The following WDR33 variants were observed in gnomAD, a reference collection of about 807,000 sequenced individuals.
WDR33 encodes WD repeat domain 33.
Under a neutral mutation model 164.9 loss-of-function variants are expected in WDR33, and 47 were observed. The ratio of observed to expected loss-of-function variants is 0.29; its 90% CI spans 0.23 to 0.36. The LOEUF (loss-of-function observed/expected upper bound fraction) is 0.36. Ranked by LOEUF, WDR33 falls within the 10% of genes least tolerant of loss-of-function variation. The pLI, the probability that WDR33 is intolerant of heterozygous loss-of-function variation, is 1.00. For missense variants in WDR33, 1,137 were observed against 1,754.1 expected (o/e 0.65, Z 6.28); for synonymous variants, 505 against 589.0 (o/e 0.86, Z 2.06).
intron 1 of WDR33, among the ~76,000 whole-genome samples, chr2:127,806,481 A>G (rs1056467529): frequency 2.0e-5 from 3 of 152,172 alleles, no homozygotes; most frequent in African/African-American, 7.2e-5. Context: ...TGCTGGGATT[A>G]CAGGCGTGAG....
chr2:127,798,461 C>T (rs1338873775), intron 1 of WDR33, among the ~76,000 whole-genome samples: 3 of 148,862 alleles, frequency 2.0e-5, no homozygotes, highest in African/African-American at 7.5e-5. Context: ...TCCTAAAGAG[C>T]TGGTTGGCCC....
rs1380830891 is a variant in WDR33, at chr2:127,738,256, C to A, written c.725-11479G>T. Among the ~76,000 whole-genome samples the A allele has an allele frequency of 6.6e-6, 1 of 152,096 alleles. No individual in the cohort carries two copies. The highest frequency in any genetic ancestry group is 2.4e-5 in the African/African-American group (1 of 41,416). Reference sequence around the variant, plus strand: ...CAAAGAAAAATGTAATCTGAGAAAACTTCAACTGGGAGCTGGTTATATTAT... The same window carrying A: ...CAAAGAAAAATGTAATCTGAGAAAAATTCAACTGGGAGCTGGTTATATTAT... On this transcript the variant is annotated intron_variant, in intron 7 of 21. Transcript: ENST00000322313. The surrounding 1 kb of genome is among the most constrained non-coding windows in gnomAD (Gnocchi z 4.4).
At chr2:127,733,176 A>C (rs562791981) in intron 7 of WDR33, among the ~76,000 whole-genome samples, 1 of 152,314 alleles carries the variant, frequency 6.6e-6, no homozygotes, top group East Asian at 1.9e-4. Flanking sequence ...CAAGTAATTA[A>C]ACTTCTCAGA....
At chr2:127,790,021 G>T (rs2105478346) in intron 1 of WDR33, among the ~76,000 whole-genome samples, 1 of 152,104 alleles carries the variant, frequency 6.6e-6, no homozygotes, top group Non-Finnish European at 1.5e-5. Context: ...ATTTTTAGTA[G>T]AGACAGGGTT....
chr2:127,799,677 C>T (rs1476057573), intron 1 of WDR33, among the ~76,000 whole-genome samples: 1 of 152,120 alleles, frequency 6.6e-6, no homozygotes, highest in Non-Finnish European at 1.5e-5. Context: ...CACCTGTAAT[C>T]CCAGCTACTC....
At position 127,711,780 on chromosome 2, in the gene WDR33, A is replaced by ATATATTTT; in HGVS notation, c.3308+1802_3308+1803insAAAATATA. ...TATATATATATATATATATATATAT[A>ATATATTTT]TTTTTTTTTTGAGACAGAGTCTCGC... On this transcript the variant is annotated intron_variant, in intron 18 of 21. Transcript: ENST00000322313. Among the ~76,000 whole-genome samples the ATATATTTT allele has an allele frequency of 1.8e-3, 158 of 88,286 alleles. 5 individuals are homozygous for ATATATTTT. The highest frequency in any genetic ancestry group is 9.1e-3 in the African/African-American group (140 of 15,418). The allele number at this position is 88,286 out of a possible 152,430, so 57.9% of individuals were successfully genotyped here. A position where few individuals can be genotyped will look rare whatever the true frequency, so the allele number is the denominator to read the frequency against.
In WDR33 at chr2:127,766,787, G is replaced by T. The variant is rs575643774; in HGVS notation, c.378+1402C>A. Among the ~76,000 whole-genome samples, 240 of 131,720 alleles carry T rather than the reference G, an allele frequency of 1.8e-3. 4 individuals are homozygous for T. The East Asian group carries it at 0.039, about 21-fold the overall frequency. The allele number at this position is 131,720 out of a possible 152,430, so 86.4% of individuals were successfully genotyped here. A position where few individuals can be genotyped will look rare whatever the true frequency, so the allele number is the denominator to read the frequency against. Reference sequence around the variant, plus strand: ...ATAACAATGTTTCTTTTTTTTTTTTGAAACAGAGTTTCGATCTTGTCGCCC... The same window carrying T: ...ATAACAATGTTTCTTTTTTTTTTTTTAAACAGAGTTTCGATCTTGTCGCCC... On this transcript the variant is annotated intron_variant, in intron 4 of 21. Transcript: ENST00000322313.
intron 8 of WDR33, among the ~76,000 whole-genome samples, chr2:127,725,471 T>A (rs527701824): frequency 6.6e-6 from 1 of 152,134 alleles, no homozygotes; most frequent in Non-Finnish European, 1.5e-5. Context: ...GCGTGATGGC[T>A]CACGCCTGTA....
Position 127,723,241 on chromosome 2 carries a change from C to G in WDR33, c.1291+12G>C. ...CAGATTTCAAAGAAGGACAGATGTGCAAGAGTCTCACCATATTCTACTCCA... is the reference window on the plus strand; with the variant it reads ...CAGATTTCAAAGAAGGACAGATGTGGAAGAGTCTCACCATATTCTACTCCA... On this transcript the variant is annotated intron_variant, in intron 12 of 21. Coordinates refer to ENST00000322313, the MANE Select transcript of WDR33 (RefSeq NM_018383.5). This position sits in a 1 kb window ranked among gnomAD's most constrained non-coding sequence, Gnocchi z 5.9. The G allele has an allele frequency of 6.2e-7, 1 of 1,608,434 alleles. No homozygotes were observed. Among genetic ancestry groups the G allele is most frequent in the Non-Finnish European group, 8.5e-7 (1 of 1,175,966 alleles).
chr2:127,808,733 A>G (rs1311166155), intron 1 of WDR33, among the ~76,000 whole-genome samples: 1 of 151,956 alleles, frequency 6.6e-6, no homozygotes, highest in African/African-American at 2.4e-5. Flanking sequence ...CGCCTCTACT[A>G]AAAAATACAA....
chr2:127,761,287 G>A (rs1335935356), intron 7 of WDR33, among the ~76,000 whole-genome samples: 2 of 151,662 alleles, frequency 1.3e-5, no homozygotes, highest in East Asian at 1.9e-4. Context: ...TGCAAGCTCC[G>A]CCACCTGGAT....
At chr2:127,801,120 A>G (rs1689224874) in intron 1 of WDR33, among the ~76,000 whole-genome samples, 1 of 148,858 alleles carries the variant, frequency 6.7e-6, no homozygotes, top group Non-Finnish European at 1.5e-5. Flanking sequence ...AAAAAAAAAG[A>G]AAAGAAAAAC....
Position 127,716,055 on chromosome 2 carries a change from CAG to C in WDR33, c.2869+1098_2869+1099del, listed in dbSNP as rs938124380. Among the ~76,000 whole-genome samples, 2 of 152,144 alleles carry C rather than the reference CAG, an allele frequency of 1.3e-5. No individual in the cohort carries two copies. The highest frequency in any genetic ancestry group is 2.4e-5 in the African/African-American group (1 of 41,428). Reference sequence around the variant, plus strand: ...TCTCAGTTTGCTGATGGCGATAACTCAGGGGGTAAAAGACTCTCCTTTTGTTT... The same window carrying C: ...TCTCAGTTTGCTGATGGCGATAACTCGGGGTAAAAGACTCTCCTTTTGTTT... On this transcript the variant is annotated intron_variant, in intron 17 of 21. Transcript: ENST00000322313. This position sits in a 1 kb window ranked among gnomAD's most constrained non-coding sequence, Gnocchi z 4.5.
chr2:127,776,526 C>G (rs953522436), intron 1 of WDR33, among the ~76,000 whole-genome samples: 1 of 152,038 alleles, frequency 6.6e-6, no homozygotes, highest in African/African-American at 2.4e-5. Flanking sequence ...CAAGACCACC[C>G]AGTAAGACCC....
At chr2:127,753,879 A>G (rs1687442413) in intron 7 of WDR33, among the ~76,000 whole-genome samples, 1 of 152,220 alleles carries the variant, frequency 6.6e-6, no homozygotes, top group Non-Finnish European at 1.5e-5. Context: ...AAGAAAAAGA[A>G]AAATAACTTA....
chr2:127,749,878 C>T (rs1018197739), intron 7 of WDR33, among the ~76,000 whole-genome samples: 2 of 151,464 alleles, frequency 1.3e-5, no homozygotes, highest in Non-Finnish European at 2.9e-5. Flanking sequence ...CTCTGCCACC[C>T]AGGCTGGAGT....
At chr2:127,739,630 T>C (rs1174396575) in intron 7 of WDR33, among the ~76,000 whole-genome samples, 1 of 152,212 alleles carries the variant, frequency 6.6e-6, no homozygotes, top group Non-Finnish European at 1.5e-5. Context: ...ACCCAATTAT[T>C]GGCTTGTTTC....
intron 1 of WDR33, among the ~76,000 whole-genome samples, chr2:127,776,485 G>A (rs998564329): frequency 1.3e-5 from 2 of 152,114 alleles, no homozygotes; most frequent in African/African-American, 2.4e-5. Context: ...TTGGGAGGCC[G>A]ATACAGGTGG....
At chr2:127,728,413 T>TTTTCCC (rs1686621415) in intron 7 of WDR33, among the ~76,000 whole-genome samples, 1 of 152,082 alleles carries the variant, frequency 6.6e-6, no homozygotes, top group Non-Finnish European at 1.5e-5. Context: ...AGCCAAGAAG[T>TTTTCCC]CTAGACACCG....
Sources: gnomAD v4.1 joint callset for allele counts (sites outside exome capture counted in the v4.1 genomes callset) on GRCh38, gnomAD v4.1.1 for gene constraint, Gnocchi (gnomAD v3.1) non-coding constraint, MANE v1.5 for transcripts, NCBI Gene and HGNC (gene_info 2026-07-23, HGNC 2026-07-21) for gene names.